ART3: variants seen among roughly 807,000 people sequenced by gnomAD.
ART3 encodes the protein ecto-ADP-ribosyltransferase 3.
ART3 carries 49 observed loss-of-function variants against 48.5 expected under a neutral mutation model. That is an observed-to-expected ratio of 1.01 (90% CI 0.80 to 1.28). The LOEUF is 1.28. ART3 is among the 50% of genes most tolerant of loss of function. The pLI, the probability that ART3 is intolerant of heterozygous loss-of-function variation, is 0.00. For synonymous variants in ART3, 145 were observed against 157.2 expected (o/e 0.92, Z 0.58); for missense variants, 438 against 454.3 (o/e 0.96, Z 0.33).
At chr4:76,082,982 A>C (rs1362095246) in intron 3 of ART3, among the ~76,000 whole-genome samples, 1 of 152,154 alleles carries the variant, frequency 6.6e-6, no homozygotes, top group Non-Finnish European at 1.5e-5. Flanking sequence ...CTTACAATAA[A>C]TAAATAGTGC....
intron 3 of ART3, among the ~76,000 whole-genome samples, chr4:76,093,472 A>G (rs986659550): frequency 6.6e-6 from 1 of 152,030 alleles, no homozygotes; most frequent in African/African-American, 2.4e-5. Context: ...AGTCCTCCGC[A>G]CCTCGCATCT....
At chr4:76,044,594 A>G (rs4859603) in intron 1 of ART3, among the ~76,000 whole-genome samples, 93,340 of 151,170 alleles carry the variant, frequency 0.62, 30,094 homozygotes, top group East Asian at 0.94. Context: ...TTCTCTCTTC[A>G]ACTTCTTTGT....
intron 1 of ART3, among the ~76,000 whole-genome samples, chr4:76,061,426 A>G (rs1719202846): frequency 6.6e-6 from 1 of 152,044 alleles, no homozygotes; most frequent in South Asian, 2.1e-4. Context: ...AGCTCCCACC[A>G]CTTCTCACTT....
chr4:76,046,788 G>A (rs10001988), intron 1 of ART3, among the ~76,000 whole-genome samples: 1 of 151,528 alleles, frequency 6.6e-6, no homozygotes, highest in Non-Finnish European at 1.5e-5. Flanking sequence ...TGTGAAAAGA[G>A]CAAAGTCTCT....
intron 1 of ART3, among the ~76,000 whole-genome samples, chr4:76,060,400 C>T (rs1719097344): frequency 6.6e-6 from 1 of 152,102 alleles, no homozygotes; most frequent in South Asian, 2.1e-4. Context: ...TTTCTTGAGG[C>T]TTCTTATTCT....
At chr4:76,038,709 T>TTATG (rs1734669024) in intron 1 of ART3, among the ~76,000 whole-genome samples, 1 of 25,894 alleles carries the variant, frequency 3.9e-5, no homozygotes. Flanking sequence ...ATTTATTTAT[T>TTATG]TATTTATTTA....
rs538411173 is a variant in ART3 at position 76,059,715 on chromosome 4, A to T, written c.-9-16166A>T. On this transcript the variant is annotated intron_variant, in intron 1 of 9. Coordinates refer to the ART3 transcript ENST00000341029. ...ATTAAAGTAACAAGTGACTCTGACA[A>T]TTTAGAGAAATGAATTAGTAAAGTT... Among the ~76,000 whole-genome samples the T allele has an allele frequency of 3.0e-4, 45 of 152,308 alleles. No individual in the cohort carries two copies. The South Asian group carries it at 8.7e-3, about 29-fold the overall frequency.
At chr4:76,028,503 G>T (rs1733609710) in intron 1 of ART3, among the ~76,000 whole-genome samples, 1 of 152,234 alleles carries the variant, frequency 6.6e-6, no homozygotes, top group African/African-American at 2.4e-5. Flanking sequence ...AAACTAATGA[G>T]CACAGACGAA....
In ART3 at chr4:76,103,870, CAAAAG is replaced by C; in HGVS notation, c.938-64_938-60del. On this transcript the variant is annotated intron_variant, in intron 8 of 11. Coordinates refer to ENST00000355810, the MANE Select transcript of ART3 (RefSeq NM_001130016.3). ...AAGTTGGAAATGGAGGAAATATAGA[CAAAAG>C]AAGAGTATTAACAGTATAAGATAAC... 3.9e-6 allele frequency: 5 copies of C among 1,282,084 alleles called. No homozygotes were observed. In the South Asian group the frequency reaches 7.4e-5, roughly 19 times the overall value. 79.4% of individuals were successfully genotyped at this position (1,282,084 alleles called of 1,614,324 possible).
At chr4:76,046,970 C>T (rs1179190563) in intron 1 of ART3, among the ~76,000 whole-genome samples, 8 of 94,238 alleles carry the variant, frequency 8.5e-5, no homozygotes, top group South Asian at 3.2e-4. Flanking sequence ...TAAACATACC[C>T]GGGGCTCAGT....
chr4:76,098,655 C>T (rs1578566908), intron 4 of ART3, among the ~76,000 whole-genome samples: 1 of 151,810 alleles, frequency 6.6e-6, no homozygotes, highest in South Asian at 2.1e-4. Flanking sequence ...GCTACTTGGG[C>T]GGCTGAAGCA....
At chr4:76,101,569 T>C (rs759023085) in intron 8 of ART3, among the ~76,000 whole-genome samples, 9 of 152,016 alleles carry the variant, frequency 5.9e-5, no homozygotes, top group African/African-American at 2.2e-4. Context: ...CTGGCCAACA[T>C]AGTGAAACCC....
chr4:76,106,042 G>T, intron 10 of ART3: 4 of 985,298 alleles, frequency 4.1e-6, no homozygotes, highest in Non-Finnish European at 4.8e-6. Context: ...TTTTTAAAAG[G>T]TGATGTGAAA....
intron 6 of ART3, 86 bp from the exon 7 acceptor site, chr4:76,100,709 C>T (rs748835752): frequency 2.4e-4 from 337 of 1,395,610 alleles, no homozygotes; most frequent in Admixed American, 8.6e-4. Flanking sequence ...TTTCATATTT[C>T]TTGCAAATAA....
chr4:76,023,887 A>T (rs1478508117), intron 1 of ART3, among the ~76,000 whole-genome samples: 1 of 152,216 alleles, frequency 6.6e-6, no homozygotes, highest in African/African-American at 2.4e-5. Flanking sequence ...TTCATCCTTT[A>T]TAGGTAAACC....
At chr4:76,069,573 A>G (rs1439545782) in intron 1 of ART3, among the ~76,000 whole-genome samples, 2 of 151,704 alleles carry the variant, frequency 1.3e-5, no homozygotes, top group Admixed American at 1.3e-4. Flanking sequence ...TATTTTTAGT[A>G]GATACACGGT....
chr4:76,032,187 A>C (rs78354216), intron 1 of ART3, among the ~76,000 whole-genome samples: 19,643 of 151,636 alleles, frequency 0.13, 1,672 homozygotes, highest in East Asian at 0.39. Context: ...TCTTACAAAT[A>C]CCAATTTATC....
chr4:76,050,300 G>A (rs554395871), intron 1 of ART3, among the ~76,000 whole-genome samples: 29 of 152,184 alleles, frequency 1.9e-4, no homozygotes, highest in East Asian at 3.9e-4. Context: ...TTGACAGGGC[G>A]CTGATAGGTG....
Position 76,100,404 on chromosome 4 carries a change from G to T in ART3, c.877+84G>T. 5.1e-6 allele frequency: 7 copies of T among 1,366,148 alleles called. No homozygotes were observed. In the South Asian group the frequency reaches 8.4e-5, roughly 16 times the overall value. The allele number at this position is 1,366,148 out of a possible 1,614,324, so 84.6% of individuals were successfully genotyped here. ...TCCCAGCACTTTGGGAGGCCGAGGC[G>T]GGAGGATCATGAGGTCAGGAGATTG... is the stretch of plus-strand genomic sequence containing the variant. On this transcript the variant is annotated intron_variant, in intron 6 of 11. Coordinates refer to ENST00000355810, the MANE Select transcript of ART3 (RefSeq NM_001130016.3).
Sources: gnomAD v4.1 joint callset for allele counts (sites outside exome capture counted in the v4.1 genomes callset) on GRCh38, gnomAD v4.1.1 for gene constraint, MANE v1.5 for transcripts, NCBI Gene and HGNC (gene_info 2026-07-23, HGNC 2026-07-21) for gene names.